NLGN1: variants seen among roughly 807,000 people sequenced by gnomAD.
NLGN1 encodes the protein neuroligin-1.
In NLGN1, 12 loss-of-function variants were observed where a neutral mutation model predicts 65.5. That is an observed-to-expected ratio of 0.18 (90% CI 0.12 to 0.30). The LOEUF is 0.30. NLGN1 is among the 10% of genes least tolerant of loss of function. The probability of loss-of-function intolerance (pLI) is 1.00; values close to 1 mark genes in which losing one functional copy is unlikely to be tolerated. For missense variants in NLGN1, 750 were observed against 1,007.1 expected, an observed-to-expected ratio of 0.74 and a Z score of 3.46; for synonymous variants, 350 against 359.5, an observed-to-expected ratio of 0.97 and a Z score of 0.30.
At chr3:173,578,236 A>G (rs1277351139) in intron 2 of NLGN1, among the ~76,000 whole-genome samples, 1 of 39,388 alleles carries the variant, frequency 2.5e-5, no homozygotes. Context: ...ACTCCGTCTC[A>G]AAAAAAAAAA....
chr3:173,405,087 C>T (rs956280011), intron 1 of NLGN1, among the ~76,000 whole-genome samples: 1 of 152,054 alleles, frequency 6.6e-6, no homozygotes, highest in South Asian at 2.1e-4. Flanking sequence ...TTCAGAACCT[C>T]TTCTGAATCA....
intron 4 of NLGN1, among the ~76,000 whole-genome samples, chr3:173,948,737 C>T (rs1747663312): frequency 6.6e-6 from 1 of 152,148 alleles, no homozygotes; most frequent in African/African-American, 2.4e-5. Context: ...TCTGAAACTC[C>T]AGTACCTGTG....
intron 4 of NLGN1, among the ~76,000 whole-genome samples, chr3:174,113,685 T>C (rs376544504): frequency 6.6e-6 from 1 of 152,298 alleles, no homozygotes; most frequent in East Asian, 1.9e-4. Flanking sequence ...AAATAACACT[T>C]ATCTATGTCA....
intron 2 of NLGN1, among the ~76,000 whole-genome samples, chr3:173,515,467 A>G (rs984895812): frequency 6.6e-6 from 1 of 151,906 alleles, no homozygotes; most frequent in African/African-American, 2.4e-5. Context: ...ATTTCCTTTG[A>G]TTTGCAGAAG....
At chr3:173,937,999 A>T (rs1745350834) in intron 4 of NLGN1, among the ~76,000 whole-genome samples, 1 of 152,158 alleles carries the variant, frequency 6.6e-6, no homozygotes. Flanking sequence ...TACATATAAC[A>T]CTTATAACAA....
At chr3:173,579,690 C>T (rs1213884054) in intron 2 of NLGN1, among the ~76,000 whole-genome samples, 1 of 152,204 alleles carries the variant, frequency 6.6e-6, no homozygotes, top group African/African-American at 2.4e-5. Context: ...GGAGTAGATT[C>T]TTCCCCGTAG....
intron 4 of NLGN1, among the ~76,000 whole-genome samples, chr3:173,891,983 G>A (rs930697621): frequency 6.6e-6 from 1 of 152,184 alleles, no homozygotes; most frequent in Non-Finnish European, 1.5e-5. Flanking sequence ...CAGCAATTAT[G>A]TTTCTAGAAG....
chr3:173,617,174 C>T (rs1045763892), intron 3 of NLGN1, among the ~76,000 whole-genome samples: 2 of 152,160 alleles, frequency 1.3e-5, no homozygotes, highest in African/African-American at 4.8e-5. Context: ...GTCAAAACAG[C>T]CTTTGCTGAT....
At chr3:173,794,812 C>T (rs1230618279) in intron 3 of NLGN1, among the ~76,000 whole-genome samples, 1 of 151,856 alleles carries the variant, frequency 6.6e-6, no homozygotes, top group Non-Finnish European at 1.5e-5. Flanking sequence ...TTTTTTTATT[C>T]TAGATGGAAT....
intron 5 of NLGN1, 50 bp from the exon 6 acceptor site, chr3:174,278,811 C>T (rs1561461343): frequency 3.2e-5 from 43 of 1,344,924 alleles, no homozygotes; most frequent in South Asian, 1.3e-4. Context: ...ATTGTTTTAC[C>T]ACAACATTAC....
intron 4 of NLGN1, among the ~76,000 whole-genome samples, chr3:174,066,121 TA>T (rs1170289015): frequency 3.3e-5 from 5 of 152,140 alleles, no homozygotes; most frequent in Non-Finnish European, 7.4e-5. Context: ...TCTGAGATCT[TA>T]AAAAAGGGTC....
At chr3:173,521,168 C>G (rs1734697785) in intron 2 of NLGN1, among the ~76,000 whole-genome samples, 1 of 152,148 alleles carries the variant, frequency 6.6e-6, no homozygotes, top group Non-Finnish European at 1.5e-5. Flanking sequence ...TAATAACCTG[C>G]TGCTGAATGC....
At position 173,911,900 on chromosome 3, in the gene NLGN1, TG is replaced by T. The variant is rs148839692; in HGVS notation, c.646+104069del. 5.0e-3 allele frequency among the ~76,000 whole-genome samples: 760 copies of T among 152,352 alleles called. 7 individuals are homozygous for T. Among genetic ancestry groups the T allele is most frequent in the South Asian group, 0.028 (137 of 4,826 alleles). ...TTCACAGATTAAATATGTGTCCCTCTGTTTACTAAGAATTCTATCTATGCCG... is the reference window on the plus strand; with the variant it reads ...TTCACAGATTAAATATGTGTCCCTCTTTTACTAAGAATTCTATCTATGCCG... On this transcript the variant is annotated intron_variant, in intron 4 of 6. Transcript: ENST00000457714.
chr3:174,030,832 A>G (rs979606061), intron 4 of NLGN1, among the ~76,000 whole-genome samples: 6 of 152,150 alleles, frequency 3.9e-5, no homozygotes, highest in Non-Finnish European at 8.8e-5. Flanking sequence ...GAATTTCCCA[A>G]AGGCTCAGGA....
intron 4 of NLGN1, among the ~76,000 whole-genome samples, chr3:173,863,182 G>A (rs1452734221): frequency 6.7e-6 from 1 of 150,268 alleles, no homozygotes; most frequent in African/African-American, 2.4e-5. Flanking sequence ...TTACCTATTT[G>A]TATATATGTT....
chr3:173,827,651 G>A (rs1379566526), intron 4 of NLGN1, among the ~76,000 whole-genome samples: 1 of 151,292 alleles, frequency 6.6e-6, no homozygotes. Flanking sequence ...GTGTGTGTGT[G>A]TGTGTGTGTG....
chr3:174,217,783 G>C (rs930959342), intron 4 of NLGN1, among the ~76,000 whole-genome samples: 1 of 151,888 alleles, frequency 6.6e-6, no homozygotes, highest in Non-Finnish European at 1.5e-5. Flanking sequence ...GAATGAAGTC[G>C]ATATAGCAGG....
At chr3:173,448,197 T>G (rs933551979) in intron 2 of NLGN1, among the ~76,000 whole-genome samples, 1 of 152,114 alleles carries the variant, frequency 6.6e-6, no homozygotes, top group African/African-American at 2.4e-5. Context: ...TGGCTGTGGG[T>G]TTGTCATAGA....
chr3:173,583,225 T>A (rs1339993030), intron 2 of NLGN1, among the ~76,000 whole-genome samples: 1 of 152,248 alleles, frequency 6.6e-6, no homozygotes, highest in Non-Finnish European at 1.5e-5. Context: ...CCCTTTGCCC[T>A]TGCAAACACA....
Sources: gnomAD v4.1 joint callset for allele counts (sites outside exome capture counted in the v4.1 genomes callset) on GRCh38, gnomAD v4.1.1 for gene constraint, MANE v1.5 for transcripts, NCBI Gene and HGNC (gene_info 2026-07-23, HGNC 2026-07-21) for gene names.